TAB2: variants seen among roughly 807,000 people sequenced by gnomAD.
TAB2 encodes the protein TGF-beta activated kinase 1 (MAP3K7) binding protein 2, also known as TGF-beta-activated kinase 1 and MAP3K7-binding protein 2.
Under a neutral mutation model 65.0 loss-of-function variants are expected in TAB2, and 3 were observed. The observed-to-expected ratio is 0.05, with a 90% CI of 0.02 to 0.12. TAB2 has a LOEUF of 0.12. Among genes scored for constraint, TAB2 ranks in the 10% least tolerant of loss-of-function variants. TAB2 has a pLI of 1.00. For missense variants in TAB2, 623 were observed against 840.3 expected (o/e 0.74, Z 3.20); for synonymous variants, 298 against 285.1 (o/e 1.05, Z -0.46).
chr6:149,388,289 C>T (rs1781867209), intron 3 of TAB2, among the ~76,000 whole-genome samples: 1 of 152,186 alleles, frequency 6.6e-6, no homozygotes, highest in Non-Finnish European at 1.5e-5. Flanking sequence ...CCTTAAGCCT[C>T]TGCCTCAACG....
chr6:149,290,480 T>C (rs1224347037), intron 1 of TAB2, among the ~76,000 whole-genome samples: 2 of 152,226 alleles, frequency 1.3e-5, no homozygotes, highest in Non-Finnish European at 2.9e-5. Context: ...TTCACTAGAA[T>C]GTAAACTCCA....
chr6:149,364,250 T>C (rs1477303542), intron 1 of TAB2, among the ~76,000 whole-genome samples: 1 of 152,196 alleles, frequency 6.6e-6, no homozygotes, highest in Non-Finnish European at 1.5e-5. Context: ...CTCTGAGCTT[T>C]AAATCCTTCA....
chr6:149,310,568 A>T (rs200565977), intron 1 of TAB2, among the ~76,000 whole-genome samples: 275 of 140,438 alleles, frequency 2.0e-3, no homozygotes, highest in African/African-American at 7.2e-3. Context: ...TAATATATAT[A>T]TTTTTTTTAA....
upstream of TAB2, among the ~76,000 whole-genome samples, chr6:149,316,398 TA>T (rs916089779): frequency 6.6e-5 from 10 of 152,048 alleles, no homozygotes; most frequent in African/African-American, 2.2e-4. Flanking sequence ...AAAGATGGTT[TA>T]AAAAAAATTC....
At chr6:149,363,468 A>T (rs1434105844) in intron 1 of TAB2, among the ~76,000 whole-genome samples, 1 of 152,146 alleles carries the variant, frequency 6.6e-6, no homozygotes, top group Non-Finnish European at 1.5e-5. Flanking sequence ...CTGGCTTTTT[A>T]AACTGTTTAC....
chr6:149,386,213 T>C (rs1212923846), intron 3 of TAB2, among the ~76,000 whole-genome samples: 1 of 152,240 alleles, frequency 6.6e-6, no homozygotes, highest in Non-Finnish European at 1.5e-5. Context: ...ATGAGAACAG[T>C]ACACTTTCTT....
chr6:149,242,711 T>C (rs1777626281), intron 1 of TAB2, among the ~76,000 whole-genome samples: 1 of 152,212 alleles, frequency 6.6e-6, no homozygotes, highest in South Asian at 2.1e-4. Flanking sequence ...TAGCCTCTGG[T>C]TCGGGATTGT....
intron 1 of TAB2, among the ~76,000 whole-genome samples, chr6:149,338,349 T>C (rs1396513018): frequency 6.6e-6 from 1 of 152,222 alleles, no homozygotes; most frequent in Non-Finnish European, 1.5e-5. Context: ...AATTGTGGAC[T>C]GTATTGACTG....
intron 6 of TAB2, among the ~76,000 whole-genome samples, chr6:149,406,815 T>A (rs1168593903): frequency 6.6e-6 from 1 of 152,058 alleles, no homozygotes; most frequent in African/African-American, 2.4e-5. Context: ...GCCTCCCAGG[T>A]TCAAGCCATT....
intron 1 of TAB2, among the ~76,000 whole-genome samples, chr6:149,326,932 A>G (rs1277387952): frequency 6.6e-6 from 1 of 152,232 alleles, no homozygotes; most frequent in East Asian, 1.9e-4. Flanking sequence ...ACATTTTCAC[A>G]TCCTTTTGGA....
At chr6:149,269,358 A>T (rs1583056851) in intron 1 of TAB2, among the ~76,000 whole-genome samples, 1 of 152,190 alleles carries the variant, frequency 6.6e-6, no homozygotes, top group Non-Finnish European at 1.5e-5. Flanking sequence ...TGTGTATGTG[A>T]TAGATACCAT....
At chr6:149,277,853 A>G (rs1465246953) in intron 1 of TAB2, among the ~76,000 whole-genome samples, 8 of 152,176 alleles carry the variant, frequency 5.3e-5, no homozygotes, top group Non-Finnish European at 8.8e-5. Flanking sequence ...CATCATATTC[A>G]TTTTAGTATT....
intron 1 of TAB2, among the ~76,000 whole-genome samples, chr6:149,286,995 T>A (rs907290065): frequency 6.6e-6 from 1 of 152,118 alleles, no homozygotes; most frequent in Non-Finnish European, 1.5e-5. Context: ...TAAGCATCTG[T>A]AATCTCAGCT....
upstream of TAB2, among the ~76,000 whole-genome samples, chr6:149,312,744 G>A (rs1779186774): frequency 6.6e-6 from 1 of 152,134 alleles, no homozygotes; most frequent in Non-Finnish European, 1.5e-5. Flanking sequence ...CTCTACCGCT[G>A]GGTGAAAAAT....
intron 1 of TAB2, among the ~76,000 whole-genome samples, chr6:149,279,496 G>A (rs1778534803): frequency 6.6e-6 from 1 of 152,102 alleles, no homozygotes; most frequent in Non-Finnish European, 1.5e-5. Flanking sequence ...CCCTTCAAGG[G>A]GACACGTGGC....
intron 1 of TAB2, among the ~76,000 whole-genome samples, chr6:149,284,838 AC>A (rs770124339): frequency 6.6e-5 from 10 of 152,312 alleles, no homozygotes; most frequent in Admixed American, 3.3e-4. Context: ...TTTTTTAAAT[AC>A]AAGTAGCCCT....
At chr6:149,255,725 G>A (rs141459601) in intron 1 of TAB2, among the ~76,000 whole-genome samples, 1 of 152,312 alleles carries the variant, frequency 6.6e-6, no homozygotes, top group African/African-American at 2.4e-5. Flanking sequence ...GGGCCTTGAT[G>A]TTTAACATAT....
intron 1 of TAB2, among the ~76,000 whole-genome samples, chr6:149,281,862 T>C (rs1778582304): frequency 6.6e-6 from 1 of 152,012 alleles, no homozygotes. Context: ...AAAATACACT[T>C]TATATATAAA....
At chr6:149,222,919 T>C (rs945203061) in intron 1 of TAB2, among the ~76,000 whole-genome samples, 3 of 152,230 alleles carry the variant, frequency 2.0e-5, no homozygotes, top group Admixed American at 6.5e-5. Flanking sequence ...TGTTAGGAAT[T>C]ACTAATTAAT....
Sources: allele counts gnomAD v4.1 joint callset (sites outside exome capture counted in the v4.1 genomes callset), GRCh38; gene constraint gnomAD v4.1.1; transcripts MANE v1.5; gene names NCBI Gene and HGNC (gene_info 2026-07-23, HGNC 2026-07-21).